Variants in TENM4 observed in about 807,000 individuals in gnomAD.
TENM4 encodes the protein teneurin-4.
A neutral mutation model predicts 243.3 loss-of-function variants in TENM4; 82 were observed. The observed-to-expected ratio is 0.34, with a 90% CI of 0.28 to 0.40. The LOEUF (loss-of-function observed/expected upper bound fraction) is 0.40, where lower values mean the gene tolerates loss of function less well. TENM4 is among the 10% of genes least tolerant of loss of function. TENM4 has a pLI of 1.00. For synonymous variants in TENM4, 1,412 were observed against 1,456.3 expected, an observed-to-expected ratio of 0.97 and a Z score of 0.69; for missense variants, 3,138 against 3,673.3, an observed-to-expected ratio of 0.85 and a Z score of 3.77.
At chr11:78,731,922 G>A (rs1476324278) in intron 21 of TENM4, among the ~76,000 whole-genome samples, 2 of 152,032 alleles carry the variant, frequency 1.3e-5, no homozygotes, top group African/African-American at 2.4e-5. Context: ...CTCACTCTTC[G>A]GGATCCTTTG....
chr11:79,139,917 C>G (rs1591311066), intron 4 of TENM4, among the ~76,000 whole-genome samples: 1 of 148,636 alleles, frequency 6.7e-6, no homozygotes, highest in Admixed American at 7.0e-5. Flanking sequence ...TAAGTGAGTG[C>G]TATAATACAA....
chr11:79,437,532 C>G (rs1404883698), intron 1 of TENM4, among the ~76,000 whole-genome samples: 1 of 152,212 alleles, frequency 6.6e-6, no homozygotes, highest in Admixed American at 6.5e-5. Flanking sequence ...CCGGCCGCCC[C>G]GCTGGTTCGC....
chr11:79,140,718 T>C (rs934170996), intron 4 of TENM4, among the ~76,000 whole-genome samples: 4 of 151,914 alleles, frequency 2.6e-5, no homozygotes, highest in Admixed American at 2.6e-4. Context: ...AAGCCTTCGT[T>C]GTCAGATCTT....
At chr11:79,247,631 A>C (rs1855543190) in intron 2 of TENM4, among the ~76,000 whole-genome samples, 1 of 152,090 alleles carries the variant, frequency 6.6e-6, no homozygotes, top group South Asian at 2.1e-4. Context: ...AACCATTAAT[A>C]ATTTATTCTA....
intron 2 of TENM4, among the ~76,000 whole-genome samples, chr11:79,262,225 G>A (rs1485195109): frequency 6.6e-6 from 1 of 152,136 alleles, no homozygotes; most frequent in Non-Finnish European, 1.5e-5. Flanking sequence ...CAATAATGAC[G>A]CCTGCCTCAC....
At chr11:79,208,290 G>T (rs1863889614) in intron 3 of TENM4, among the ~76,000 whole-genome samples, 1 of 152,170 alleles carries the variant, frequency 6.6e-6, no homozygotes, top group East Asian at 1.9e-4. Flanking sequence ...TTTTAGAAAA[G>T]TGCTATTTAT....
intron 6 of TENM4, among the ~76,000 whole-genome samples, chr11:78,930,870 T>C (rs1227136761): frequency 6.6e-6 from 1 of 152,196 alleles, no homozygotes. Flanking sequence ...ACTCTAACCC[T>C]TCAGAGGCAG....
intron 2 of TENM4, among the ~76,000 whole-genome samples, chr11:79,280,831 A>C (rs1856145068): frequency 6.6e-6 from 1 of 152,236 alleles, no homozygotes; most frequent in Admixed American, 6.5e-5. Flanking sequence ...TAGTGGGAGC[A>C]GGAGCTGTGG....
Position 79,359,042 on chromosome 11 carries a change from G to A in TENM4, c.-320-61499C>T, listed in dbSNP as rs147445813. Among the ~76,000 whole-genome samples, 845 of 151,756 alleles carry A rather than the reference G, an allele frequency of 5.6e-3. 10 individuals carry two copies. Among genetic ancestry groups the A allele is most frequent in the African/African-American group, 0.019 (794 of 41,342 alleles). Reference sequence around the variant, plus strand: ...AGCACTTTGGGAGGCTGAGTGGAAGGATCACTTGAGGCCAATAGTTCAAGA... The same window carrying A: ...AGCACTTTGGGAGGCTGAGTGGAAGAATCACTTGAGGCCAATAGTTCAAGA... On this transcript the variant is annotated intron_variant, in intron 1 of 33. Transcript: ENST00000278550.
chr11:79,419,800 G>A (rs977710200), intron 1 of TENM4, among the ~76,000 whole-genome samples: 2 of 152,142 alleles, frequency 1.3e-5, no homozygotes, highest in African/African-American at 2.4e-5. Flanking sequence ...CCATGAACTG[G>A]CTTCGTGGGT....
chr11:79,063,357 T>C (rs865934491), intron 6 of TENM4, among the ~76,000 whole-genome samples: 1 of 152,156 alleles, frequency 6.6e-6, no homozygotes, highest in African/African-American at 2.4e-5. Flanking sequence ...GGATCTACAT[T>C]TGAAGCTAGA....
At chr11:79,207,765 C>T (rs1296247707) in intron 3 of TENM4, among the ~76,000 whole-genome samples, 1 of 146,776 alleles carries the variant, frequency 6.8e-6, no homozygotes, top group African/African-American at 2.5e-5. Flanking sequence ...ACTCAGGAGG[C>T]TGAGGTAGGA....
At chr11:79,308,697 G>T (rs925718452) in intron 1 of TENM4, among the ~76,000 whole-genome samples, 2 of 152,180 alleles carry the variant, frequency 1.3e-5, no homozygotes, top group Non-Finnish European at 2.9e-5. Context: ...TACACGGCAC[G>T]TTAGAGTTAA....
intron 1 of TENM4, among the ~76,000 whole-genome samples, chr11:79,338,329 G>A (rs1857187575): frequency 6.6e-6 from 1 of 152,174 alleles, no homozygotes; most frequent in African/African-American, 2.4e-5. Context: ...CTTCTCCCTT[G>A]GGAATTGTTT....
At chr11:79,036,413 G>C (rs1226703657) in intron 6 of TENM4, among the ~76,000 whole-genome samples, 1 of 152,220 alleles carries the variant, frequency 6.6e-6, no homozygotes, top group Non-Finnish European at 1.5e-5. Context: ...GATCCCTGGA[G>C]TTCTGGATTC....
intron 3 of TENM4, among the ~76,000 whole-genome samples, chr11:79,160,169 C>A (rs576259118): frequency 6.6e-6 from 1 of 152,288 alleles, no homozygotes; most frequent in Non-Finnish European, 1.5e-5. Flanking sequence ...ATGGCTGGGG[C>A]CATTAGTCCT....
intron 9 of TENM4, among the ~76,000 whole-genome samples, chr11:78,864,995 T>C (rs550095662): frequency 5.9e-5 from 9 of 152,308 alleles, no homozygotes; most frequent in East Asian, 1.9e-4. Flanking sequence ...TGAAGGCCCA[T>C]AGTAATTGTA....
chr11:79,144,274 T>C (rs893438831), intron 4 of TENM4, among the ~76,000 whole-genome samples: 3 of 152,116 alleles, frequency 2.0e-5, no homozygotes, highest in South Asian at 2.1e-4. Flanking sequence ...CCATTTAAAA[T>C]GGCTTTTATC....
In TENM4 at chr11:78,853,721, C is replaced by T. The variant is rs545021428; in HGVS notation, c.1681+383G>A. ...AAAAGAATGAAAACCAAAACAAAACCCAAACCACAAATCAGTGAGGTGAAC... is the reference window on the plus strand; with the variant it reads ...AAAAGAATGAAAACCAAAACAAAACTCAAACCACAAATCAGTGAGGTGAAC... On this transcript the variant is annotated intron_variant, in intron 12 of 33. Coordinates refer to ENST00000278550, the MANE Select transcript of TENM4 (RefSeq NM_001098816.3). Among the ~76,000 whole-genome samples the T allele has an allele frequency of 2.0e-5, 3 of 152,296 alleles. No individual in the cohort carries two copies. The South Asian group carries it at 6.2e-4, about 32-fold the overall frequency.
Sources: allele counts gnomAD v4.1 joint callset (sites outside exome capture counted in the v4.1 genomes callset), GRCh38; gene constraint gnomAD v4.1.1; transcripts MANE v1.5; gene names NCBI Gene and HGNC (gene_info 2026-07-23, HGNC 2026-07-21).